Variants in OPRM1 observed in about 807,000 individuals in gnomAD.
OPRM1 encodes opioid receptor mu 1.
In OPRM1, 27 loss-of-function variants were observed where a neutral mutation model predicts 31.8. The ratio of observed to expected loss-of-function variants is 0.85; its 90% CI spans 0.63 to 1.17. The LOEUF (loss-of-function observed/expected upper bound fraction) is 1.17. OPRM1 is among the 50% of genes most tolerant of loss of function. OPRM1 has a pLI of 0.00. For synonymous variants in OPRM1, 196 were observed against 189.9 expected (o/e 1.03, Z -0.26); for missense variants, 536 against 511.1 (o/e 1.05, Z -0.47).
chr6:154,094,040 T>C (rs910266373), intron 3 of OPRM1, among the ~76,000 whole-genome samples: 1 of 152,264 alleles, frequency 6.6e-6, no homozygotes, highest in African/African-American at 2.4e-5. Flanking sequence ...CCCATCATGT[T>C]GGAAAACAAA....
chr6:154,088,585 C>T (rs189777101), intron 1 of OPRM1, among the ~76,000 whole-genome samples: 9 of 152,282 alleles, frequency 5.9e-5, no homozygotes, highest in Admixed American at 3.3e-4. Context: ...TGGGTCTACA[C>T]ACCATAGTTT....
intron 3 of OPRM1, among the ~76,000 whole-genome samples, chr6:154,165,409 TTC>T (rs1487354767): frequency 6.6e-6 from 1 of 152,190 alleles, no homozygotes; most frequent in Non-Finnish European, 1.5e-5. Flanking sequence ...ATGTACCAAG[TTC>T]TCTCTCTCCT....
chr6:154,207,294 G>A (rs1777582083), intron 3 of OPRM1, among the ~76,000 whole-genome samples: 1 of 152,190 alleles, frequency 6.6e-6, no homozygotes, highest in Non-Finnish European at 1.5e-5. Flanking sequence ...CTTAAAATCA[G>A]TTAGATATTC....
chr6:154,077,363 C>T (rs1788077935), intron 1 of OPRM1, among the ~76,000 whole-genome samples: 1 of 151,842 alleles, frequency 6.6e-6, no homozygotes, highest in South Asian at 2.1e-4. Flanking sequence ...AATGATGTGC[C>T]CACCTCGGCC....
intron 3 of OPRM1, among the ~76,000 whole-genome samples, chr6:154,195,791 ATTTTT>A (rs34769762): frequency 7.7e-6 from 1 of 130,570 alleles, no homozygotes; most frequent in Admixed American, 7.5e-5. Flanking sequence ...CTTGTTCACA[ATTTTT>A]TTTTTTTTTT....
intron 3 of OPRM1, among the ~76,000 whole-genome samples, chr6:154,197,811 A>T (rs977793850): frequency 6.6e-6 from 1 of 152,192 alleles, no homozygotes; most frequent in Admixed American, 6.5e-5. Flanking sequence ...TTTTGAAGCT[A>T]TGCTCATCCT....
chr6:154,073,805 C>T (rs936135548), intron 1 of OPRM1: 1 of 152,280 alleles, frequency 6.6e-6, no homozygotes, highest in Non-Finnish European at 1.5e-5. Flanking sequence ...GAGTTCAAGA[C>T]CAGCCTGGCC....
chr6:154,053,952 A>G (rs1053578190), intron 1 of OPRM1, among the ~76,000 whole-genome samples: 3 of 152,176 alleles, frequency 2.0e-5, no homozygotes, highest in African/African-American at 7.2e-5. Flanking sequence ...TCTCCTTCCA[A>G]TTAACTCATG....
intron 3 of OPRM1, among the ~76,000 whole-genome samples, 158 bp from the exon 4 acceptor site, chr6:154,118,525 T>C (rs1004385807): frequency 6.6e-6 from 1 of 152,182 alleles, no homozygotes; most frequent in African/African-American, 2.4e-5. Context: ...TCTGAAGAGA[T>C]TGATTAATGT....
chr6:154,233,450 C>T (rs1346359563), intron 3 of OPRM1, among the ~76,000 whole-genome samples: 1 of 152,144 alleles, frequency 6.6e-6, no homozygotes, highest in East Asian at 1.9e-4. Context: ...GTTTAGCTAA[C>T]ATTACCCTAT....
rs917987681 is a variant in OPRM1, at chr6:154,023,283, A to G, written c.-1+12265A>G. Among the ~76,000 whole-genome samples the G allele has an allele frequency of 4.6e-5, 7 of 151,922 alleles. No individual in the cohort carries two copies. The South Asian group carries it at 1.5e-3, about 32-fold the overall frequency. The stretch of plus-strand genomic sequence containing the variant: ...ATCTGTCACTTCTTTGGTTAATTTA[A>G]CTCCTAGGTATTTAATTTTACTTGT... On this transcript the variant is annotated intron_variant, in intron 1 of 5. Coordinates refer to the OPRM1 transcript ENST00000434900.
intron 3 of OPRM1, among the ~76,000 whole-genome samples, chr6:154,238,846 C>T (rs1228652913): frequency 6.6e-6 from 1 of 151,714 alleles, no homozygotes; most frequent in African/African-American, 2.4e-5. Context: ...ATGCCTGGCC[C>T]TATTGTATAA....
chr6:154,010,598 A>T (rs1462420640), exon 1 of OPRM1: 2 of 1,535,068 alleles, frequency 1.3e-6, no homozygotes, highest in South Asian at 2.4e-5. Flanking sequence ...GCTCAAAGGA[A>T]GTGTGATCTG....
intron 3 of OPRM1, among the ~76,000 whole-genome samples, chr6:154,167,390 C>T (rs1248835639): frequency 6.6e-6 from 1 of 152,328 alleles, no homozygotes; most frequent in South Asian, 2.1e-4. Flanking sequence ...TTCCCACTGT[C>T]GGGCTCTCAT....
intron 1 of OPRM1, among the ~76,000 whole-genome samples, chr6:154,027,347 C>G (rs1778754345): frequency 6.6e-6 from 1 of 152,200 alleles, no homozygotes; most frequent in Admixed American, 6.5e-5. Flanking sequence ...TCTCTCTGTT[C>G]TGAGCGATGT....
intron 3 of OPRM1, among the ~76,000 whole-genome samples, chr6:154,243,574 G>A (rs1216281912): frequency 6.6e-6 from 1 of 152,188 alleles, no homozygotes; most frequent in Non-Finnish European, 1.5e-5. Flanking sequence ...GAAAAGCAAA[G>A]GGATTCAATG....
intron 3 of OPRM1, among the ~76,000 whole-genome samples, chr6:154,096,293 C>A (rs1793368617): frequency 6.6e-6 from 1 of 152,158 alleles, no homozygotes; most frequent in Non-Finnish European, 1.5e-5. Context: ...CTCTTGACCC[C>A]AAGTGATCCG....
At chr6:154,024,438 A>C (rs1778566917) in intron 1 of OPRM1, among the ~76,000 whole-genome samples, 1 of 150,958 alleles carries the variant, frequency 6.6e-6, no homozygotes, top group Non-Finnish European at 1.5e-5. Flanking sequence ...TTTTTTTCTT[A>C]GTTAGTCTGG....
At chr6:154,191,721 C>A (rs923868525) in intron 3 of OPRM1, among the ~76,000 whole-genome samples, 2 of 151,696 alleles carry the variant, frequency 1.3e-5, no homozygotes, top group Non-Finnish European at 2.9e-5. Context: ...AAGAGTGAAC[C>A]CTAATGTAAA....
Sources: gnomAD v4.1 joint callset for allele counts (sites outside exome capture counted in the v4.1 genomes callset) on GRCh38, gnomAD v4.1.1 for gene constraint, MANE v1.5 for transcripts, NCBI Gene and HGNC (gene_info 2026-07-23, HGNC 2026-07-21) for gene names.